IL34: variants seen among roughly 807,000 people sequenced by gnomAD.
The protein encoded by IL34 is interleukin 34, also known as interleukin-34.
A neutral mutation model predicts 25.3 loss-of-function variants in IL34; 17 were observed. That is an observed-to-expected ratio of 0.67 (90% CI 0.46 to 1.01). The LOEUF (loss-of-function observed/expected upper bound fraction) is 1.01, where lower values mean the gene tolerates loss of function less well. Ranked by LOEUF, IL34 falls within the 50% of genes least tolerant of loss-of-function variation. The pLI, the probability that IL34 is intolerant of heterozygous loss-of-function variation, is 0.00. For missense variants in IL34, 368 were observed against 312.9 expected (o/e 1.18, Z -1.33); for synonymous variants, 174 against 140.9 (o/e 1.23, Z -1.66).
At chr16:70,654,856 C>T (rs2052175220) in intron 2 of IL34, among the ~76,000 whole-genome samples, 185 bp downstream of exon 2, 1 of 152,136 alleles carries the variant, frequency 6.6e-6, no homozygotes, top group Non-Finnish European at 1.5e-5. Context: ...CCTCCTCCTG[C>T]CATCTCCTGG....
Position 70,654,677 on chromosome 16 carries a change from C to T in IL34, c.162+6C>T, listed in dbSNP as rs750669997. 1.3e-6 allele frequency: 2 copies of T among 1,598,056 alleles called. No individual in the cohort carries two copies. The highest frequency in any genetic ancestry group is 1.3e-5 in the African/African-American group (1 of 74,848). On this transcript the variant is annotated splice_donor_region_variant and intron_variant, in intron 2 of 5. Coordinates refer to ENST00000288098, the MANE Select transcript of IL34 (RefSeq NM_001393494.1). ...GGAGCCGACTTCAGTACATGGTAACCACGTGGGCACCAGCTGTGTCCCTGT... is the reference window on the plus strand; with the variant it reads ...GGAGCCGACTTCAGTACATGGTAACTACGTGGGCACCAGCTGTGTCCCTGT...
intron 1 of IL34, among the ~76,000 whole-genome samples, chr16:70,612,198 C>T (rs1164523863): frequency 1.3e-5 from 2 of 152,168 alleles, no homozygotes; most frequent in Non-Finnish European, 2.9e-5. Flanking sequence ...AACCAGCTGA[C>T]CCCTGGGGGC....
intron 1 of IL34, among the ~76,000 whole-genome samples, chr16:70,652,326 G>A (rs1331324415): frequency 6.6e-6 from 1 of 151,966 alleles, no homozygotes; most frequent in Admixed American, 6.6e-5. Flanking sequence ...TGGGTGTGGT[G>A]GTGGCACCTG....
At chr16:70,653,111 C>T (rs2052121642) in intron 1 of IL34, among the ~76,000 whole-genome samples, 1 of 152,022 alleles carries the variant, frequency 6.6e-6, no homozygotes, top group African/African-American at 2.4e-5. Context: ...GAGGCTGAGG[C>T]CTGAGGCACG....
upstream of IL34, among the ~76,000 whole-genome samples, chr16:70,643,408 T>A (rs1478926370): frequency 6.6e-6 from 1 of 152,180 alleles, no homozygotes; most frequent in Non-Finnish European, 1.5e-5. Context: ...TCTTGCTTTG[T>A]CACCCATGCT....
intron 1 of IL34, among the ~76,000 whole-genome samples, chr16:70,635,397 C>A (rs1013890993): frequency 2.6e-5 from 4 of 152,210 alleles, no homozygotes; most frequent in African/African-American, 9.6e-5. Flanking sequence ...TCTTTTGTCT[C>A]CTGCTGCTCT....
At chr16:70,631,996 G>C (rs1192171402) in intron 1 of IL34, among the ~76,000 whole-genome samples, 2 of 151,994 alleles carry the variant, frequency 1.3e-5, no homozygotes, top group Non-Finnish European at 2.9e-5. Context: ...AGCTACTTGG[G>C]AGGCTGAGGT....
intron 1 of IL34, among the ~76,000 whole-genome samples, chr16:70,628,131 C>G (rs1297537493): frequency 6.6e-6 from 1 of 152,120 alleles, no homozygotes; most frequent in Non-Finnish European, 1.5e-5. Flanking sequence ...ATTTTATTCA[C>G]TCTAGGGTGT....
chr16:70,597,620 CAT>C (rs1283784828), intron 1 of IL34, among the ~76,000 whole-genome samples: 21 of 152,242 alleles, frequency 1.4e-4, no homozygotes, highest in African/African-American at 4.8e-4. Context: ...ATGTTTCAAA[CAT>C]ATGTATCTCT....
intron 1 of IL34, among the ~76,000 whole-genome samples, chr16:70,628,740 G>T (rs2051452059): frequency 6.7e-6 from 1 of 149,520 alleles, no homozygotes; most frequent in African/African-American, 2.5e-5. Context: ...ACCCGCCTTG[G>T]CCTCCCAAAG....
At chr16:70,610,193 C>T (rs1487817801) in intron 1 of IL34, among the ~76,000 whole-genome samples, 1 of 148,218 alleles carries the variant, frequency 6.7e-6, no homozygotes, top group Non-Finnish European at 1.5e-5. Context: ...AAGAGCGAGA[C>T]TCTATCTCAG....
intron 1 of IL34, among the ~76,000 whole-genome samples, chr16:70,626,794 A>C (rs528491605): frequency 1.1e-4 from 16 of 152,088 alleles, no homozygotes; most frequent in Non-Finnish European, 2.2e-4. Context: ...AGTAGGTCTA[A>C]TTTTATTTTT....
intron 1 of IL34, among the ~76,000 whole-genome samples, chr16:70,637,323 C>A (rs562580986): frequency 3.3e-5 from 5 of 151,970 alleles, no homozygotes; most frequent in Non-Finnish European, 7.4e-5. Context: ...TTAGGTTTTA[C>A]AATTAATTCT....
chr16:70,619,588 A>C (rs1282634836), intron 1 of IL34, among the ~76,000 whole-genome samples: 1 of 152,168 alleles, frequency 6.6e-6, no homozygotes, highest in Non-Finnish European at 1.5e-5. Context: ...CAGGCCCTTG[A>C]AAAGAAGGTA....
chr16:70,657,248 G>A (rs2052255350), intron 4 of IL34, 127 bp downstream of exon 4: 2 of 976,876 alleles, frequency 2.0e-6, no homozygotes, highest in Admixed American at 2.6e-5. Context: ...ACAAGCAGAG[G>A]GACGTGGGAG....
rs951203987 is a variant in IL34, at chr16:70,619,079, T to C, written c.-400-27469T>C. On this transcript the variant is annotated intron_variant, in intron 1 of 6. Coordinates refer to the IL34 transcript ENST00000429149. ...GATAAGGCATAGATCCTGAACTAAC[T>C]TGTAAGGCTTGTCTGGTTTTAGGAC... 2.6e-5 allele frequency among the ~76,000 whole-genome samples: 4 copies of C among 152,162 alleles called. No homozygotes were observed. The East Asian group carries it at 7.7e-4, about 29-fold the overall frequency.
intron 1 of IL34, among the ~76,000 whole-genome samples, chr16:70,621,604 C>G (rs1394292593): frequency 6.6e-6 from 1 of 152,090 alleles, no homozygotes; most frequent in Non-Finnish European, 1.5e-5. Context: ...AGTCATGGCA[C>G]CAAATTTCAT....
At chr16:70,607,382 G>C (rs1471142879) in intron 1 of IL34, among the ~76,000 whole-genome samples, 5 of 152,168 alleles carry the variant, frequency 3.3e-5, no homozygotes, top group African/African-American at 4.8e-5. Flanking sequence ...GGGAGTACAG[G>C]CATTGAGCCA....
At chr16:70,644,723 G>A (rs143087442), upstream of IL34, among the ~76,000 whole-genome samples, 478 of 145,410 alleles carry the variant, frequency 3.3e-3, 5 homozygotes, top group Middle Eastern at 0.018. Flanking sequence ...GGAGGAGGAG[G>A]GGGAGGGGGA....
Sources: gnomAD v4.1 joint callset for allele counts (sites outside exome capture counted in the v4.1 genomes callset) on GRCh38, gnomAD v4.1.1 for gene constraint, MANE v1.5 for transcripts, NCBI Gene and HGNC (gene_info 2026-07-23, HGNC 2026-07-21) for gene names.